Variants in LRRTM4 observed in about 807,000 individuals in gnomAD.
LRRTM4 encodes leucine rich repeat transmembrane neuronal 4, also known as leucine-rich repeat transmembrane neuronal protein 4.
A neutral mutation model predicts 47.6 loss-of-function variants in LRRTM4; 25 were observed. The ratio of observed to expected loss-of-function variants is 0.53; its 90% CI spans 0.38 to 0.73. LRRTM4 has a LOEUF of 0.73. LRRTM4 is among the 30% of genes least tolerant of loss of function. The pLI, the probability that LRRTM4 is intolerant of heterozygous loss-of-function variation, is 0.00. For synonymous variants in LRRTM4, 311 were observed against 269.5 expected, an observed-to-expected ratio of 1.15 and a Z score of -1.51; for missense variants, 638 against 713.4, an observed-to-expected ratio of 0.89 and a Z score of 1.20.
At chr2:76,781,869 C>T (rs992288042) in intron 3 of LRRTM4, among the ~76,000 whole-genome samples, 33 of 152,124 alleles carry the variant, frequency 2.2e-4, no homozygotes, top group Non-Finnish European at 2.9e-5. Flanking sequence ...TTTTTCTCCT[C>T]AATGGTTTTC....
At chr2:77,257,892 C>T (rs11904793) in intron 3 of LRRTM4, among the ~76,000 whole-genome samples, 19 of 151,886 alleles carry the variant, frequency 1.3e-4, no homozygotes, top group African/African-American at 4.3e-4. Context: ...GTCGGGAGTT[C>T]GAGACCAGCC....
At chr2:77,334,297 A>G (rs1351462263) in intron 3 of LRRTM4, among the ~76,000 whole-genome samples, 1 of 152,130 alleles carries the variant, frequency 6.6e-6, no homozygotes, top group Non-Finnish European at 1.5e-5. Flanking sequence ...ATATGAGGAA[A>G]TGAGATTTAG....
intron 3 of LRRTM4, among the ~76,000 whole-genome samples, chr2:77,132,382 T>A (rs1335145981): frequency 1.3e-5 from 2 of 152,222 alleles, no homozygotes; most frequent in East Asian, 3.8e-4. Flanking sequence ...CATATTTTTA[T>A]CCATTCATCT....
intron 3 of LRRTM4, among the ~76,000 whole-genome samples, chr2:77,342,531 G>T (rs1341683341): frequency 6.6e-6 from 1 of 151,904 alleles, no homozygotes; most frequent in Non-Finnish European, 1.5e-5. Context: ...ATTCATAACT[G>T]TTAGATCTTA....
intron 3 of LRRTM4, among the ~76,000 whole-genome samples, chr2:77,266,875 C>T (rs1333359613): frequency 6.6e-6 from 1 of 152,062 alleles, no homozygotes; most frequent in Non-Finnish European, 1.5e-5. Flanking sequence ...TTCTCACAAC[C>T]TGCTCCTGAA....
chr2:76,792,374 A>G (rs1675020558), intron 3 of LRRTM4, among the ~76,000 whole-genome samples: 1 of 152,308 alleles, frequency 6.6e-6, no homozygotes, highest in East Asian at 1.9e-4. Flanking sequence ...GAAAGTGGTT[A>G]TAGAAGGCTA....
At chr2:77,406,651 T>G (rs1674200051) in intron 3 of LRRTM4, among the ~76,000 whole-genome samples, 1 of 152,132 alleles carries the variant, frequency 6.6e-6, no homozygotes, top group Non-Finnish European at 1.5e-5. Context: ...AAAATCATTT[T>G]ATATTATAAC....
chr2:77,147,915 T>C (rs914951047), intron 3 of LRRTM4, among the ~76,000 whole-genome samples: 2 of 152,174 alleles, frequency 1.3e-5, no homozygotes, highest in African/African-American at 4.8e-5. Flanking sequence ...CATTGAGGGT[T>C]TATGGATGTT....
At chr2:77,167,099 C>T (rs560053236) in intron 3 of LRRTM4, among the ~76,000 whole-genome samples, 2 of 151,946 alleles carry the variant, frequency 1.3e-5, no homozygotes, top group African/African-American at 4.8e-5. Flanking sequence ...AAAACTTAAA[C>T]AAATTTACAA....
intron 3 of LRRTM4, among the ~76,000 whole-genome samples, chr2:77,242,204 C>A (rs1262063699): frequency 2.6e-5 from 4 of 152,076 alleles, no homozygotes; most frequent in Admixed American, 2.6e-4. Flanking sequence ...ATAAGAATTG[C>A]ATTGCATATG....
intron 3 of LRRTM4, among the ~76,000 whole-genome samples, chr2:77,121,431 T>C (rs1161425785): frequency 1.3e-5 from 2 of 151,842 alleles, no homozygotes; most frequent in African/African-American, 4.8e-5. Context: ...TAACAAAGTA[T>C]TAAGATAAGA....
chr2:76,811,078 C>CA (rs1239337620), intron 3 of LRRTM4, among the ~76,000 whole-genome samples: 1 of 152,140 alleles, frequency 6.6e-6, no homozygotes, highest in Non-Finnish European at 1.5e-5. Context: ...CAAGTCCCCT[C>CA]ACCCCACCCT....
At chr2:77,046,498 C>T (rs982073728) in intron 3 of LRRTM4, among the ~76,000 whole-genome samples, 5 of 151,968 alleles carry the variant, frequency 3.3e-5, no homozygotes, top group Non-Finnish European at 7.4e-5. Context: ...GCCACAGAAT[C>T]TTGGCAGACA....
rs150849550 is a variant in LRRTM4 at position 77,114,814 on chromosome 2, G to A, written c.1552-365898C>T. 1.6e-4 allele frequency among the ~76,000 whole-genome samples: 24 copies of A among 152,240 alleles called. No homozygotes were observed. In the East Asian group the frequency reaches 1.9e-3, roughly 12 times the overall value. ...AAAGGGGAGGGGGTGTATGAACAGC[G>A]AGTAAGTCACAAAGATCACGTGCTC... On this transcript the variant is annotated intron_variant, in intron 3 of 3. Transcript: ENST00000409884.
intron 3 of LRRTM4, among the ~76,000 whole-genome samples, chr2:77,487,893 G>A (rs936437732): frequency 2.0e-5 from 3 of 152,082 alleles, no homozygotes; most frequent in Non-Finnish European, 4.4e-5. Context: ...TACCCACTTC[G>A]GGTCTCCTGA....
At chr2:77,057,387 G>A (rs1211497993) in intron 3 of LRRTM4, among the ~76,000 whole-genome samples, 2 of 152,138 alleles carry the variant, frequency 1.3e-5, no homozygotes, top group Non-Finnish European at 2.9e-5. Flanking sequence ...GTGCGAAAAT[G>A]CTTTGAAACC....
chr2:77,196,180 T>C (rs537119339), intron 3 of LRRTM4, among the ~76,000 whole-genome samples: 6 of 152,336 alleles, frequency 3.9e-5, no homozygotes, highest in African/African-American at 1.4e-4. Context: ...CCTTTTTGAA[T>C]TTACTTTCTT....
At chr2:77,325,117 A>T (rs1670708579) in intron 3 of LRRTM4, among the ~76,000 whole-genome samples, 1 of 152,124 alleles carries the variant, frequency 6.6e-6, no homozygotes, top group South Asian at 2.1e-4. Context: ...CTTAGAAGTG[A>T]TATACCACTC....
At position 77,363,670 on chromosome 2, in the gene LRRTM4, C is replaced by T. The variant is rs1159682795; in HGVS notation, c.1551+154648G>A. Reference sequence around the variant, plus strand: ...AAATAGTAAATGACTAATGAATGTGCGCTTCAAAATGCTTTCTCATTATCA... The same window carrying T: ...AAATAGTAAATGACTAATGAATGTGTGCTTCAAAATGCTTTCTCATTATCA... On this transcript the variant is annotated intron_variant, in intron 3 of 3. Coordinates refer to ENST00000409884, the MANE Select transcript of LRRTM4 (RefSeq NM_001134745.3). 2.6e-5 allele frequency among the ~76,000 whole-genome samples: 4 copies of T among 152,134 alleles called. No homozygotes were observed. In the South Asian group the frequency reaches 6.2e-4, roughly 24 times the overall value.
Sources: gnomAD v4.1 joint callset for allele counts (sites outside exome capture counted in the v4.1 genomes callset) on GRCh38, gnomAD v4.1.1 for gene constraint, MANE v1.5 for transcripts, NCBI Gene and HGNC (gene_info 2026-07-23, HGNC 2026-07-21) for gene names.